Variants in TAF4B observed in about 807,000 individuals in gnomAD.
The protein encoded by TAF4B is transcription initiation factor TFIID subunit 4B.
In TAF4B, 38 loss-of-function variants were observed where a neutral mutation model predicts 86.4. The ratio of observed to expected loss-of-function variants is 0.44; its 90% CI spans 0.34 to 0.58. TAF4B has a LOEUF of 0.58. Ranked by LOEUF, TAF4B falls within the 20% of genes least tolerant of loss-of-function variation. The pLI is 0.02. For missense variants in TAF4B, 988 were observed against 1,027.6 expected, an observed-to-expected ratio of 0.96 and a Z score of 0.53; for synonymous variants, 388 against 391.2, an observed-to-expected ratio of 0.99 and a Z score of 0.10.
chr18:26,284,083 T>G (rs1386993227), intron 6 of TAF4B, among the ~76,000 whole-genome samples: 1 of 152,072 alleles, frequency 6.6e-6, no homozygotes. Flanking sequence ...AGCTATATCT[T>G]CTGTATGATT....
At chr18:26,358,814 T>A (rs1398098132) in intron 14 of TAF4B, among the ~76,000 whole-genome samples, 5 of 152,216 alleles carry the variant, frequency 3.3e-5, no homozygotes, top group Non-Finnish European at 1.5e-5. Flanking sequence ...AGGTCAGCAA[T>A]AAAAGAGCCA....
At chr18:26,244,269 G>T (rs763136913) in intron 1 of TAF4B, among the ~76,000 whole-genome samples, 1 of 152,190 alleles carries the variant, frequency 6.6e-6, no homozygotes, top group Non-Finnish European at 1.5e-5. Context: ...TCAAGCCTCC[G>T]CAATGGCGGA....
At chr18:26,237,899 C>T (rs886518149) in intron 1 of TAF4B, among the ~76,000 whole-genome samples, 1 of 152,216 alleles carries the variant, frequency 6.6e-6, no homozygotes, top group Admixed American at 6.5e-5. Context: ...CAAGGGTGAG[C>T]CTGTTGATGC....
chr18:26,274,879 T>C, intron 4 of TAF4B, 52 bp from the exon 5 acceptor site: 5 of 1,612,830 alleles, frequency 3.1e-6, no homozygotes, highest in Middle Eastern at 1.7e-4. Flanking sequence ...TTCTTTTGAA[T>C]TGTTTGCTCA....
chr18:26,321,531 T>C (rs1183888895), intron 11 of TAF4B, among the ~76,000 whole-genome samples: 1 of 129,976 alleles, frequency 7.7e-6, no homozygotes, highest in East Asian at 2.3e-4. Context: ...TTCTGCACTC[T>C]CCTCGCATTC....
chr18:26,325,775 C>T (rs2056998654), intron 11 of TAF4B, among the ~76,000 whole-genome samples: 1 of 152,112 alleles, frequency 6.6e-6, no homozygotes, highest in African/African-American at 2.4e-5. Flanking sequence ...TAATGTATTC[C>T]ATATTCTATC....
chr18:26,376,226 CAAA>C (rs200383120), intron 14 of TAF4B, among the ~76,000 whole-genome samples: 2 of 125,142 alleles, frequency 1.6e-5, no homozygotes, highest in Non-Finnish European at 1.8e-5. Flanking sequence ...TAATTTCAAC[CAAA>C]AAAAAAAAAA....
chr18:26,231,223 A>AGTAGAGATGAG (rs2055663678), intron 1 of TAF4B, among the ~76,000 whole-genome samples: 1 of 150,766 alleles, frequency 6.6e-6, no homozygotes, highest in Non-Finnish European at 1.5e-5. Flanking sequence ...TTGTATTTTT[A>AGTAGAGATGAG]GTAGAGATGA....
At chr18:26,362,875 A>G (rs2057341828) in intron 14 of TAF4B, among the ~76,000 whole-genome samples, 1 of 152,232 alleles carries the variant, frequency 6.6e-6, no homozygotes, top group African/African-American at 2.4e-5. Context: ...AGGAAAAAAC[A>G]TCACATAATA....
intron 10 of TAF4B, 104 bp from the exon 11 acceptor site, chr18:26,320,966 C>A: frequency 7.3e-7 from 1 of 1,374,336 alleles, no homozygotes; most frequent in Non-Finnish European, 1.0e-6. Context: ...AACCTTTATT[C>A]ATAATGGGTA....
intron 14 of TAF4B, among the ~76,000 whole-genome samples, chr18:26,378,984 C>T (rs1567930826): frequency 6.6e-6 from 1 of 152,044 alleles, no homozygotes; most frequent in Non-Finnish European, 1.5e-5. Context: ...GATAAAGGTG[C>T]TTTATCCATA....
rs186590008 is a variant in TAF4B at position 26,321,051 on chromosome 18, A to G, written c.2003-19A>G. ...CAGCCACTACTAAAACACGTAATGG[A>G]TTTTCTCTGCTTCTGCAGGTAAAAA... On this transcript the variant is annotated intron_variant, in intron 10 of 14. Coordinates refer to ENST00000269142, the MANE Select transcript of TAF4B (RefSeq NM_005640.3). 4.2e-3 allele frequency: 6,747 copies of G among 1,613,356 alleles called. 19 individuals are homozygous for G. The highest frequency in any genetic ancestry group is 5.3e-3 in the Non-Finnish European group (6,224 of 1,179,500).
At chr18:26,361,620 C>T (rs2144739212) in intron 14 of TAF4B, among the ~76,000 whole-genome samples, 1 of 151,656 alleles carries the variant, frequency 6.6e-6, no homozygotes, top group Non-Finnish European at 1.5e-5. Context: ...TGTCATGTGC[C>T]TGTAATCCTA....
At chr18:26,281,247 C>G (rs1375518255) in intron 5 of TAF4B, among the ~76,000 whole-genome samples, 1 of 151,720 alleles carries the variant, frequency 6.6e-6, no homozygotes, top group African/African-American at 2.4e-5. Context: ...ACTTGTACCT[C>G]TTGAATCTAA....
chr18:26,257,029 T>C (rs961045192), intron 1 of TAF4B, among the ~76,000 whole-genome samples: 1 of 152,212 alleles, frequency 6.6e-6, no homozygotes, highest in African/African-American at 2.4e-5. Context: ...ATGGTCTGTC[T>C]TGGAGAATGT....
intron 14 of TAF4B, among the ~76,000 whole-genome samples, chr18:26,374,550 C>G (rs945996647): frequency 6.6e-6 from 1 of 152,134 alleles, no homozygotes; most frequent in African/African-American, 2.4e-5. Flanking sequence ...TCAGTCAGGT[C>G]TTAGAGGGTT....
intron 1 of TAF4B, among the ~76,000 whole-genome samples, chr18:26,232,350 C>T (rs2055685230): frequency 6.6e-6 from 1 of 152,140 alleles, no homozygotes; most frequent in African/African-American, 2.4e-5. Context: ...GAGGTGAATT[C>T]TCTAGGCCAG....
chr18:26,370,056 G>A (rs1056062492), intron 14 of TAF4B, among the ~76,000 whole-genome samples: 1 of 152,164 alleles, frequency 6.6e-6, no homozygotes, highest in African/African-American at 2.4e-5. Context: ...CAAGTTTTTG[G>A]GAGAACAAGT....
intron 14 of TAF4B, among the ~76,000 whole-genome samples, chr18:26,369,263 G>A (rs1598835001): frequency 1.3e-5 from 2 of 152,112 alleles, no homozygotes; most frequent in Admixed American, 6.5e-5. Context: ...TTTTGCAACC[G>A]TTACACTAGA....
Sources: gnomAD v4.1 joint callset for allele counts (sites outside exome capture counted in the v4.1 genomes callset) on GRCh38, gnomAD v4.1.1 for gene constraint, MANE v1.5 for transcripts, NCBI Gene and HGNC (gene_info 2026-07-23, HGNC 2026-07-21) for gene names.